Variants in TNFAIP8L3 observed in about 807,000 individuals in gnomAD.
The protein encoded by TNFAIP8L3 is TNF alpha induced protein 8 like 3.
Under a neutral mutation model 11.8 loss-of-function variants are expected in TNFAIP8L3, and 7 were observed. The observed-to-expected ratio is 0.59, with a 90% CI of 0.34 to 1.11. The LOEUF (loss-of-function observed/expected upper bound fraction) is 1.11. Among genes scored for constraint, TNFAIP8L3 ranks in the 50% most tolerant of loss-of-function variants. The pLI, the probability that TNFAIP8L3 is intolerant of heterozygous loss-of-function variation, is 0.03. For synonymous variants in TNFAIP8L3, 98 were observed against 103.8 expected, an observed-to-expected ratio of 0.94 and a Z score of 0.34; for missense variants, 219 against 258.6, an observed-to-expected ratio of 0.85 and a Z score of 1.05.
In TNFAIP8L3 at chr15:51,094,894, C is replaced by G. The variant is rs896815938; in HGVS notation, c.-299G>C. Among the ~76,000 whole-genome samples the G allele has an allele frequency of 5.3e-5, 8 of 151,226 alleles. No homozygotes were observed. The highest frequency in any genetic ancestry group is 4.6e-4 in the Admixed American group (7 of 15,212). On this transcript the variant is annotated 5_prime_UTR_variant, in exon 1 of 2. Transcript: ENST00000637513. This position sits in a 1 kb window ranked among gnomAD's most constrained non-coding sequence, Gnocchi z 4.4. Reference sequence around the variant, plus strand: ...AGGGGAGGCGCGAGCGCCGAGGAGCCCGAGCGTCCGGCGCCCGGCGGGCTC... The same window carrying G: ...AGGGGAGGCGCGAGCGCCGAGGAGCGCGAGCGTCCGGCGCCCGGCGGGCTC...
At position 51,093,038 on chromosome 15, in the gene TNFAIP8L3, C is replaced by G. The variant is rs57691387; in HGVS notation, c.52+1506G>C. On this transcript the variant is annotated intron_variant, in intron 1 of 1. Transcript: ENST00000637513. ...CCCGCTTGCGCTCTCGAAATAGATA[C>G]ACACAAAACATCTACTGGAACTTTT... Among the ~76,000 whole-genome samples the G allele has an allele frequency of 9.6e-3, 1,464 of 152,280 alleles. 36 individuals are homozygous for G. Among genetic ancestry groups the G allele is most frequent in the African/African-American group, 0.034 (1,411 of 41,538 alleles).
chr15:51,077,027 G>T (rs2065356553), intron 1 of TNFAIP8L3, among the ~76,000 whole-genome samples: 2 of 152,076 alleles, frequency 1.3e-5, no homozygotes, highest in Admixed American at 1.3e-4. Context: ...TTCGTAAATG[G>T]AATCCTCCTG....
intron 1 of TNFAIP8L3, among the ~76,000 whole-genome samples, chr15:51,091,959 G>GTTA (rs1430883871): frequency 6.6e-6 from 1 of 152,128 alleles, no homozygotes; most frequent in African/African-American, 2.4e-5. Context: ...CACCTCTCGT[G>GTTA]TTATTATACT....
At chr15:51,075,363 T>TA (rs2065342624) in intron 1 of TNFAIP8L3, among the ~76,000 whole-genome samples, 1 of 152,130 alleles carries the variant, frequency 6.6e-6, no homozygotes, top group Non-Finnish European at 1.5e-5. Flanking sequence ...GTTCCAGCAG[T>TA]AAACCCTTTC....
intron 1 of TNFAIP8L3, among the ~76,000 whole-genome samples, chr15:51,092,577 G>A (rs528451855): frequency 1.6e-4 from 25 of 152,334 alleles, no homozygotes; most frequent in African/African-American, 6.0e-4. Context: ...CACGCAGAAA[G>A]AAGAAACAAC....
upstream of TNFAIP8L3, among the ~76,000 whole-genome samples, chr15:51,097,233 C>A (rs369586361): frequency 1.3e-5 from 2 of 152,162 alleles, no homozygotes. Context: ...GGGAGACAGA[C>A]CACAGAGACA....
chr15:51,087,523 T>C (rs1368004756), intron 1 of TNFAIP8L3, among the ~76,000 whole-genome samples: 3 of 152,214 alleles, frequency 2.0e-5, no homozygotes, highest in Admixed American at 6.5e-5. Flanking sequence ...GCTAACATGC[T>C]TCCTTTCATG....
At chr15:51,095,450 C>A (rs1413440488), upstream of TNFAIP8L3, among the ~76,000 whole-genome samples, 1 of 151,964 alleles carries the variant, frequency 6.6e-6, no homozygotes, top group Non-Finnish European at 1.5e-5. Context: ...GCAGGTGGGG[C>A]AAGCGGTGGT....
chr15:51,075,670 AAAC>A (rs2065344722), intron 1 of TNFAIP8L3, among the ~76,000 whole-genome samples: 1 of 152,226 alleles, frequency 6.6e-6, no homozygotes, highest in Non-Finnish European at 1.5e-5. Context: ...TGAAATTAGT[AAAC>A]AGTCTAATGC....
intron 1 of TNFAIP8L3, among the ~76,000 whole-genome samples, chr15:51,102,256 C>T (rs2065559133): frequency 6.6e-6 from 1 of 152,138 alleles, no homozygotes; most frequent in Non-Finnish European, 1.5e-5. Context: ...TGACTCTCCT[C>T]CTGCGCATGT....
At chr15:51,069,199 C>G (rs775921239) in intron 1 of TNFAIP8L3, among the ~76,000 whole-genome samples, 10 of 152,210 alleles carry the variant, frequency 6.6e-5, no homozygotes, top group Non-Finnish European at 1.0e-4. Context: ...CTGCCTTTGG[C>G]TGGGGCCTGC....
upstream of TNFAIP8L3, among the ~76,000 whole-genome samples, chr15:51,097,409 G>T (rs79929332): frequency 0.014 from 2,072 of 152,286 alleles, 53 homozygotes; most frequent in African/African-American, 0.048. Context: ...TTGGGCATGG[G>T]GGGGAGAGAA....
chr15:51,078,808 A>G (rs2065372775), intron 1 of TNFAIP8L3, among the ~76,000 whole-genome samples: 1 of 151,952 alleles, frequency 6.6e-6, no homozygotes, highest in African/African-American at 2.4e-5. Flanking sequence ...TCCCATATCT[A>G]ACGAGGCCTC....
intron 1 of TNFAIP8L3, among the ~76,000 whole-genome samples, chr15:51,092,964 T>C (rs539183172): frequency 6.6e-6 from 1 of 152,310 alleles, no homozygotes; most frequent in African/African-American, 2.4e-5. Flanking sequence ...ACAGAGAATG[T>C]TGTTCTTAGG....
At chr15:51,075,248 A>G (rs1333069275) in intron 1 of TNFAIP8L3, among the ~76,000 whole-genome samples, 3 of 152,142 alleles carry the variant, frequency 2.0e-5, no homozygotes, top group Non-Finnish European at 4.4e-5. Flanking sequence ...TGCCTTTCAT[A>G]CGGAGCTATC....
intron 1 of TNFAIP8L3, among the ~76,000 whole-genome samples, chr15:51,071,050 CAAAAAAA>C (rs55991711): frequency 9.4e-5 from 3 of 31,816 alleles, no homozygotes; most frequent in East Asian, 1.2e-3. Flanking sequence ...GACTCCGTCT[CAAAAAAA>C]AAAAAAAAAA....
intron 1 of TNFAIP8L3, among the ~76,000 whole-genome samples, chr15:51,059,209 G>T (rs878884598): frequency 6.6e-6 from 1 of 152,148 alleles, no homozygotes; most frequent in Non-Finnish European, 1.5e-5. Flanking sequence ...GAGATGAGTA[G>T]TACTCTGAAG....
intron 1 of TNFAIP8L3, among the ~76,000 whole-genome samples, chr15:51,086,774 T>C (rs186780807): frequency 2.0e-5 from 3 of 152,304 alleles, no homozygotes; most frequent in Admixed American, 2.0e-4. Context: ...TTAATTAATA[T>C]AGGATAAATA....
rs1295523812 is a variant in TNFAIP8L3 at position 51,094,435 on chromosome 15, G to C, written c.52+109C>G. Reference sequence around the variant, plus strand: ...CGACGCGGAGCAATCCCCAGTCTTGGCCTGGAAGGGGTCGGGCTGCTGAGG... The same window carrying C: ...CGACGCGGAGCAATCCCCAGTCTTGCCCTGGAAGGGGTCGGGCTGCTGAGG... On this transcript the variant is annotated intron_variant, in intron 1 of 1. Transcript: ENST00000637513. The surrounding 1 kb of genome is among the most constrained non-coding windows in gnomAD (Gnocchi z 4.4). 17 of 1,246,058 alleles carry C rather than the reference G, an allele frequency of 1.4e-5. No homozygotes were observed. The highest frequency in any genetic ancestry group is 1.8e-5 in the Non-Finnish European group (17 of 971,194). 77.2% of individuals were successfully genotyped at this position (1,246,058 alleles called of 1,614,324 possible).
Sources: allele counts gnomAD v4.1 joint callset (sites outside exome capture counted in the v4.1 genomes callset), GRCh38; gene constraint gnomAD v4.1.1; non-coding constraint Gnocchi (gnomAD v3.1); transcripts MANE v1.5; gene names NCBI Gene and HGNC (gene_info 2026-07-23, HGNC 2026-07-21).